Variants in ANKRD12 observed in about 807,000 individuals in gnomAD.
ANKRD12 encodes ankyrin repeat domain 12, also known as ankyrin repeat domain-containing protein 12.
In ANKRD12, 85 loss-of-function variants were observed where a neutral mutation model predicts 183.4. That is an observed-to-expected ratio of 0.46 (90% CI 0.39 to 0.56). The LOEUF is 0.56. Ranked by LOEUF, ANKRD12 falls within the 20% of genes least tolerant of loss-of-function variation. ANKRD12 has a pLI of 0.00. For missense variants in ANKRD12, 2,405 were observed against 2,357.1 expected (o/e 1.02, Z -0.42); for synonymous variants, 914 against 800.2 (o/e 1.14, Z -2.40).
intron 1 of ANKRD12, among the ~76,000 whole-genome samples, chr18:9,148,426 A>G (rs1349173858): frequency 6.6e-6 from 1 of 152,224 alleles, no homozygotes; most frequent in Non-Finnish European, 1.5e-5. Context: ...TATTGTTAGA[A>G]TGTGATCCTT....
At chr18:9,206,764 A>C (rs185029179) in intron 4 of ANKRD12, among the ~76,000 whole-genome samples, 40 of 152,214 alleles carry the variant, frequency 2.6e-4, no homozygotes, top group Non-Finnish European at 3.4e-4. Context: ...AATGATGCAT[A>C]TATAAGTATC....
intron 6 of ANKRD12, among the ~76,000 whole-genome samples, chr18:9,215,037 A>G (rs1037180169): frequency 3.9e-5 from 6 of 152,150 alleles, no homozygotes; most frequent in African/African-American, 1.4e-4. Flanking sequence ...GTTTAAAAAA[A>G]TGTCAAGATA....
At chr18:9,218,665 C>CTTTTTTTTTTTTTTTTTT (rs58382120) in intron 7 of ANKRD12, among the ~76,000 whole-genome samples, 1 of 142,896 alleles carries the variant, frequency 7.0e-6, no homozygotes, top group Non-Finnish European at 1.5e-5. Context: ...CTTCTTTTTT[C>CTTTTTTTTTTTTTTTTTT]TTTTTTTTTT....
intron 2 of ANKRD12, among the ~76,000 whole-genome samples, chr18:9,194,948 G>A (rs1440175876): frequency 1.3e-5 from 2 of 152,142 alleles, no homozygotes; most frequent in South Asian, 2.1e-4. Flanking sequence ...CGCATCAACA[G>A]TAGACTGGAT....
rs1456296106 is a variant in ANKRD12, at chr18:9,258,040, T to C, written c.4773T>C (p.Phe1591=). Reference sequence around the variant, plus strand: ...CTGTGTTACCATCAGAAAAGGACTTTAATGGAAGTGATGCCTCTACCCAGC... The same window carrying C: ...CTGTGTTACCATCAGAAAAGGACTTCAATGGAAGTGATGCCTCTACCCAGC... ...TLPVLPSEKD[F]NGSDASTQLN... Residue 1591 remains phenylalanine, a synonymous_variant, in exon 9 of 13, where the codon TTT becomes TTC. Transcript: ENST00000262126. 1.9e-6 allele frequency: 3 copies of C among 1,613,438 alleles called. No homozygotes were observed. The highest frequency in any genetic ancestry group is 1.7e-5 in the Admixed American group (1 of 59,960).
chr18:9,208,582 A>G lies in ANKRD12; in HGVS notation c.305-75A>G, dbSNP rs533394209. 6.5e-6 allele frequency: 9 copies of G among 1,374,720 alleles called. No individual in the cohort carries two copies. In the East Asian group the frequency reaches 2.2e-4, roughly 34 times the overall value. 85.2% of individuals were successfully genotyped at this position (1,374,720 alleles called of 1,614,324 possible). On this transcript the variant is annotated intron_variant, in intron 4 of 12. Coordinates refer to ENST00000262126, the MANE Select transcript of ANKRD12 (RefSeq NM_015208.5). Reference sequence around the variant, plus strand: ...CTCATATATATGTACAGCATCTATCAAAAAATTCATCTTAAACTTGCTTTT... The same window carrying G: ...CTCATATATATGTACAGCATCTATCGAAAAATTCATCTTAAACTTGCTTTT...
At chr18:9,239,441 T>G (rs922441309) in intron 8 of ANKRD12, 1 of 996,478 alleles carries the variant, frequency 1.0e-6, no homozygotes, top group African/African-American at 1.7e-5. Flanking sequence ...ATCTTGATTG[T>G]TTCATGTGTT....
intron 8 of ANKRD12, among the ~76,000 whole-genome samples, chr18:9,241,048 T>A (rs1383479352): frequency 6.6e-6 from 1 of 152,178 alleles, no homozygotes; most frequent in Non-Finnish European, 1.5e-5. Flanking sequence ...CAAAAAAAAT[T>A]ATTTAAGTCA....
At chr18:9,263,715 GT>G (rs1044640888) in intron 9 of ANKRD12, 74 bp from the exon 10 acceptor site, 1 of 1,150,224 alleles carries the variant, frequency 8.7e-7, no homozygotes, top group Non-Finnish European at 1.2e-6. Flanking sequence ...CACTAAAAGG[GT>G]TTAATTTTAA....
intron 10 of ANKRD12, among the ~76,000 whole-genome samples, chr18:9,271,394 A>G (rs551914341): frequency 6.6e-6 from 1 of 152,120 alleles, no homozygotes; most frequent in Non-Finnish European, 1.5e-5. Context: ...GTGTGGCGGC[A>G]CACGCGTTTA....
intron 8 of ANKRD12, among the ~76,000 whole-genome samples, chr18:9,232,302 G>T (rs967569695): frequency 5.9e-5 from 9 of 152,288 alleles, no homozygotes; most frequent in Admixed American, 5.2e-4. Flanking sequence ...TTTCTGTTAA[G>T]GCAGGTCTAG....
chr18:9,223,342 C>T (rs374029362), intron 8 of ANKRD12, among the ~76,000 whole-genome samples: 2 of 151,942 alleles, frequency 1.3e-5, no homozygotes, highest in African/African-American at 4.8e-5. Flanking sequence ...CAAGCTCCGC[C>T]TCCCGGGTTC....
At chr18:9,193,673 C>T (rs539847444) in intron 2 of ANKRD12, among the ~76,000 whole-genome samples, 2 of 152,214 alleles carry the variant, frequency 1.3e-5, no homozygotes, top group Admixed American at 6.5e-5. Flanking sequence ...TCCTCCTCAT[C>T]CCTCCTTTAT....
chr18:9,271,450 C>T (rs953105394), intron 10 of ANKRD12, among the ~76,000 whole-genome samples: 8 of 151,936 alleles, frequency 5.3e-5, no homozygotes, highest in Admixed American at 1.3e-4. Flanking sequence ...ACCCAGGAGG[C>T]GGAGGTTGCA....
chr18:9,187,680 T>TC (rs1276822525), intron 2 of ANKRD12, among the ~76,000 whole-genome samples: 3 of 152,180 alleles, frequency 2.0e-5, no homozygotes, highest in Non-Finnish European at 4.4e-5. Context: ...TGTGGTCTTT[T>TC]CCCCCCATTG....
chr18:9,258,693 C>T lies in ANKRD12; in HGVS notation c.5426C>T (p.Thr1809Ile). The change falls in exon 9 of 13, where the codon ACT becomes ATT. Residue 1809 changes from threonine (T) to isoleucine (I), a missense_variant. Physicochemically the swap from Thr to Ile is moderately conservative, Grantham distance 89. Around this residue, in one of 7 missense-constraint regions of ANKRD12, gnomAD observed 1,983 missense variants for 1,725.9 expected, o/e 1.15. Transcript: ENST00000262126. ...SPSLLQAKEK[T>I]QQSLAAIVDS... ...TCTTTACTACAAGCAAAAGAGAAAACTCAGCAATCTCTGGCAGCCATTGTA... is the reference window on the plus strand; with the variant it reads ...TCTTTACTACAAGCAAAAGAGAAAATTCAGCAATCTCTGGCAGCCATTGTA... The T allele has an allele frequency of 2.5e-6, 4 of 1,613,900 alleles. No individual in the cohort carries two copies. Among genetic ancestry groups the T allele is most frequent in the Middle Eastern group, 1.6e-4 (1 of 6,062 alleles).
In ANKRD12 at chr18:9,211,801, A is replaced by G. The variant is rs376367740; in HGVS notation, c.652+17A>G. On this transcript the variant is annotated intron_variant, in intron 6 of 12. Coordinates refer to ENST00000262126, the MANE Select transcript of ANKRD12 (RefSeq NM_015208.5). ...ATTTTGCAGGTAAGACTAGTAATTC[A>G]ATACCTACTATTCAGGCACTAAAAT... The G allele has an allele frequency of 2.1e-5, 33 of 1,589,902 alleles. No homozygotes were observed. The highest frequency in any genetic ancestry group is 2.7e-5 in the African/African-American group (2 of 74,336).
rs781399364 is a variant in ANKRD12, at chr18:9,257,882, A to G, written c.4615A>G (p.Asn1539Asp). Residue 1539 changes from asparagine to aspartate, a missense_variant, in exon 9 of 13, where the codon AAT becomes GAT. Asn to Asp is a conservative substitution (Grantham distance 23). Coordinates refer to ENST00000262126, the MANE Select transcript of ANKRD12 (RefSeq NM_015208.5). ...TATTAGTTCTGCTTTAGATACTGAT[A>G]ATGAATCTACAAAAGATACAGAAAA... The part of the protein sequence containing the change: ...QIISSALDTD[N>D]ESTKDTENTF... The G allele has an allele frequency of 1.9e-6, 3 of 1,613,768 alleles. No individual in the cohort carries two copies. Among genetic ancestry groups the G allele is most frequent in the Non-Finnish European group, 2.5e-6 (3 of 1,179,908 alleles).
chr18:9,180,435 T>C (rs1235523910), intron 1 of ANKRD12, among the ~76,000 whole-genome samples: 1 of 152,166 alleles, frequency 6.6e-6, no homozygotes. Context: ...CATTTGTGTT[T>C]TATATTATTA....
Sources: gnomAD v4.1 joint callset for allele counts (sites outside exome capture counted in the v4.1 genomes callset) on GRCh38, gnomAD v4.1.1 for gene constraint, gnomAD v4.1.1 regional missense constraint, MANE v1.5 for transcripts, NCBI Gene and HGNC (gene_info 2026-07-23, HGNC 2026-07-21) for gene names.